Variants in WDR35 observed in about 807,000 individuals in gnomAD.
WDR35 encodes WD repeat domain 35.
WDR35 carries 118 observed loss-of-function variants against 158.3 expected under a neutral mutation model. The observed-to-expected ratio is 0.75, with a 90% CI of 0.64 to 0.87. WDR35 has a LOEUF of 0.87. Ranked by LOEUF, WDR35 falls within the 40% of genes least tolerant of loss-of-function variation. WDR35 has a pLI of 0.00. For synonymous variants in WDR35, 448 were observed against 476.1 expected, an observed-to-expected ratio of 0.94 and a Z score of 0.77; for missense variants, 1,263 against 1,405.8, an observed-to-expected ratio of 0.90 and a Z score of 1.62.
intron 9 of WDR35, among the ~76,000 whole-genome samples, chr2:19,968,517 C>T (rs1210174425): frequency 6.6e-6 from 1 of 152,074 alleles, no homozygotes; most frequent in Non-Finnish European, 1.5e-5. Context: ...TAAAATAATA[C>T]ATCATTTATT....
In WDR35 at chr2:19,937,946, C is replaced by A; in HGVS notation, c.2064G>T (p.Trp688Cys). ...GAAGAGCTGCTTCAGCCAGTAGGCG[C>A]CTTTATTTTAAAAGAAACAAAAACA... ...FIEDNPHPRLWRLLAEAALQK... is the reference protein window; with the variant it reads ...FIEDNPHPRLCRLLAEAALQK... The change falls in exon 19 of 27, where the codon TGG becomes TGT. Residue 688 changes from tryptophan to cysteine, a missense_variant and splice_region_variant. Physicochemically the swap from Trp to Cys is radical, Grantham distance 215. Transcript: ENST00000281405. The A allele has an allele frequency of 6.2e-7, 1 of 1,613,918 alleles. No individual in the cohort carries two copies. Among genetic ancestry groups the A allele is most frequent in the East Asian group, 2.2e-5 (1 of 44,878 alleles).
chr2:19,951,714 T>G (rs1380809191), intron 12 of WDR35: 2 of 394,878 alleles, frequency 5.1e-6, no homozygotes, highest in Non-Finnish European at 9.1e-6. Flanking sequence ...ACCAAAAACA[T>G]ATCTGAACAT....
At position 19,946,486 on chromosome 2, in the gene WDR35, G is replaced by T; in HGVS notation, c.1609C>A (p.Gln537Lys). Residue 537 changes from glutamine to lysine, a missense_variant, in exon 15 of 27, where the codon CAG becomes AAG. Physicochemically the swap from Gln to Lys is moderately conservative, Grantham distance 53. Transcript: ENST00000281405. ...CTAGAGTTGCAATTCAAGGATAACT[G>T]GTAGGCTCGACAATTAAGGGAATAT... Reference protein sequence around the residue: ...QKYSLNCRAYQLSLNCNSSRL... With the variant: ...QKYSLNCRAYKLSLNCNSSRL... The T allele has an allele frequency of 6.2e-7, 1 of 1,613,534 alleles. No individual in the cohort carries two copies. The highest frequency in any genetic ancestry group is 2.2e-5 in the East Asian group (1 of 44,772).
chr2:19,919,878 A>T (rs536263715), intron 25 of WDR35, among the ~76,000 whole-genome samples: 2 of 152,348 alleles, frequency 1.3e-5, no homozygotes, highest in Non-Finnish European at 2.9e-5. Flanking sequence ...AATAGATGCA[A>T]TAAAAAATGA....
intron 19 of WDR35, among the ~76,000 whole-genome samples, chr2:19,937,413 C>G (rs60403932): frequency 0.012 from 1,832 of 151,578 alleles, 37 homozygotes; most frequent in African/African-American, 0.042. Context: ...CCTAAACAAA[C>G]AAAGAAAGAA....
At chr2:19,974,097 CAA>C (rs773844344) in intron 7 of WDR35, among the ~76,000 whole-genome samples, 1 of 139,454 alleles carries the variant, frequency 7.2e-6, no homozygotes. Flanking sequence ...GACCCTGTCG[CAA>C]AAAAAAAAAA....
intron 21 of WDR35, 102 bp from the exon 22 acceptor site, chr2:19,933,613 T>A: frequency 1.0e-6 from 1 of 1,004,156 alleles, no homozygotes; most frequent in Non-Finnish European, 1.5e-6. Context: ...TTAAATTTAC[T>A]GGTAGTTACA....
chr2:19,986,712 C>A (rs148244186), intron 2 of WDR35, among the ~76,000 whole-genome samples: 19 of 151,662 alleles, frequency 1.3e-4, no homozygotes, highest in Non-Finnish European at 2.1e-4. Flanking sequence ...TGGGCTCCAG[C>A]AAAACACTGG....
intron 5 of WDR35, among the ~76,000 whole-genome samples, chr2:19,975,920 C>G (rs1015281124): frequency 3.3e-5 from 5 of 152,190 alleles, no homozygotes; most frequent in Non-Finnish European, 5.9e-5. Context: ...TTGAGCCCAT[C>G]TTCTATTTTG....
rs567900873 is a variant in WDR35 at position 19,986,917 on chromosome 2, GATT to G, written c.142+2245_142+2247del. Among the ~76,000 whole-genome samples the G allele has an allele frequency of 7.5e-3, 1,149 of 152,298 alleles. 16 individuals are homozygous for G. The highest frequency in any genetic ancestry group is 0.026 in the African/African-American group (1,063 of 41,548). ...CGATCCAGTGAATGCCATTTCTAGA[GATT>G]TATCGTAGAAAGTATTAACTATTTA... On this transcript the variant is annotated intron_variant, in intron 2 of 26. Coordinates refer to ENST00000281405, the MANE Select transcript of WDR35 (RefSeq NM_020779.4).
intron 15 of WDR35, 117 bp from the exon 16 acceptor site, chr2:19,946,113 C>T: frequency 9.0e-7 from 1 of 1,114,458 alleles, no homozygotes; most frequent in Non-Finnish European, 1.3e-6. Context: ...ACCTGGAATA[C>T]AGTAGAAATG....
intron 2 of WDR35, among the ~76,000 whole-genome samples, chr2:19,988,011 A>G (rs1433710698): frequency 6.6e-6 from 1 of 152,086 alleles, no homozygotes; most frequent in Non-Finnish European, 1.5e-5. Context: ...AAAACAGCAT[A>G]AGCCAAACTT....
intron 13 of WDR35, among the ~76,000 whole-genome samples, chr2:19,949,866 T>C (rs752829013): frequency 4.6e-5 from 7 of 152,154 alleles, no homozygotes; most frequent in Non-Finnish European, 8.8e-5. Context: ...CTTGCAAAGA[T>C]AGTGAAGCCA....
chr2:19,930,389 T>G lies in WDR35; in HGVS notation c.3121+7A>C, dbSNP rs1323387861. ...GACATACTATACACATTAGGTGACA[T>G]GCCCACCTGTCTTCAGTGCAGTGTC... On this transcript the variant is annotated splice_region_variant and intron_variant, in intron 25 of 26. Transcript: ENST00000281405. 1 of 1,614,090 alleles carries G rather than the reference T, an allele frequency of 6.2e-7. No individual in the cohort carries two copies. Among genetic ancestry groups the G allele is most frequent in the Admixed American group, 1.7e-5 (1 of 60,006 alleles).
At chr2:19,962,876 A>G (rs1240559437) in intron 10 of WDR35, among the ~76,000 whole-genome samples, 1 of 152,196 alleles carries the variant, frequency 6.6e-6, no homozygotes, top group African/African-American at 2.4e-5. Flanking sequence ...TATTTTTAAT[A>G]TATTTTTCAT....
At chr2:19,945,760 T>G in intron 16 of WDR35, 26 bp downstream of exon 16, 1 of 1,612,772 alleles carries the variant, frequency 6.2e-7, no homozygotes, top group Non-Finnish European at 8.5e-7. Context: ...ATTTATAGAC[T>G]GTTAACACTC....
rs1672706572 is a variant in WDR35, at chr2:19,990,072, C to T, written c.-57G>A. ...CTAAGGCCCTCGACAAGTAACGGTT[C>T]TACGTCTCCAATCGGGAGTACCAGC... On this transcript the variant is annotated 5_prime_UTR_variant, in exon 1 of 27. Coordinates refer to ENST00000281405, the MANE Select transcript of WDR35 (RefSeq NM_020779.4). 12 of 1,605,956 alleles carry T rather than the reference C, an allele frequency of 7.5e-6. No individual in the cohort carries two copies. The highest frequency in any genetic ancestry group is 1.0e-5 in the Non-Finnish European group (12 of 1,175,980).
Position 19,936,279 on chromosome 2 carries a change from T to G in WDR35, c.2354A>C (p.Asp785Ala), listed in dbSNP as rs1258357078. ...ATTGTTGGCTTGTTCCAGGAGACTG[T>G]CATCTGCATCACCAGATCCAGTTTT... The part of the protein sequence containing the change: ...LLKTGSGDAD[D>A]SLLEQANNAI... Residue 785 changes from aspartate to alanine, a missense_variant, in exon 20 of 27, where the codon GAC becomes GCC. Transcript: ENST00000281405. 4 of 1,614,084 alleles carry G rather than the reference T, an allele frequency of 2.5e-6. No homozygotes were observed. The highest frequency in any genetic ancestry group is 3.4e-6 in the Non-Finnish European group (4 of 1,179,948).
rs757795864 is a variant in WDR35 at position 19,990,066 on chromosome 2, A to G, written c.-51T>C. 3 of 1,608,280 alleles carry G rather than the reference A, an allele frequency of 1.9e-6. No homozygotes were observed. The Admixed American group carries it at 5.1e-5, about 27-fold the overall frequency. On this transcript the variant is annotated 5_prime_UTR_variant, in exon 1 of 27. Transcript: ENST00000281405. ...CGGCCGCTAAGGCCCTCGACAAGTA[A>G]CGGTTCTACGTCTCCAATCGGGAGT... is the stretch of plus-strand genomic sequence containing the variant.
Sources: gnomAD v4.1 joint callset for allele counts (sites outside exome capture counted in the v4.1 genomes callset) on GRCh38, gnomAD v4.1.1 for gene constraint, MANE v1.5 for transcripts, NCBI Gene and HGNC (gene_info 2026-07-23, HGNC 2026-07-21) for gene names.